Variants in ATG10 observed in about 807,000 individuals in gnomAD.
ATG10 encodes the protein ubiquitin-like-conjugating enzyme ATG10.
ATG10 carries 30 observed loss-of-function variants against 32.1 expected under a neutral mutation model. The observed-to-expected ratio is 0.94, with a 90% CI of 0.70 to 1.27. The LOEUF (loss-of-function observed/expected upper bound fraction) is 1.27. Among genes scored for constraint, ATG10 ranks in the 50% most tolerant of loss-of-function variants. The pLI is 0.00. For synonymous variants in ATG10, 87 were observed against 91.5 expected, an observed-to-expected ratio of 0.95 and a Z score of 0.28; for missense variants, 233 against 262.3, an observed-to-expected ratio of 0.89 and a Z score of 0.77.
intron 3 of ATG10, among the ~76,000 whole-genome samples, chr5:82,101,741 T>G (rs79692208): frequency 0.022 from 3,305 of 152,312 alleles, 49 homozygotes; most frequent in African/African-American, 0.045. Context: ...AAATTGCTTA[T>G]CAGGGAAGTT....
intron 5 of ATG10, among the ~76,000 whole-genome samples, chr5:82,229,383 G>A (rs1213028623): frequency 1.3e-5 from 2 of 152,160 alleles, no homozygotes; most frequent in African/African-American, 4.8e-5. Context: ...CCTAAGGTGT[G>A]TTTACTGCTA....
At position 82,109,776 on chromosome 5, in the gene ATG10, A is replaced by G. The variant is rs576880005; in HGVS notation, c.216+51174A>G. ...CCCCCATTGATCTGCTGATCATACT[A>G]TGCCTGTTATTTTATTTTTTAATAT... On this transcript the variant is annotated intron_variant, in intron 3 of 7. Transcript: ENST00000282185. 6.1e-4 allele frequency among the ~76,000 whole-genome samples: 92 copies of G among 150,274 alleles called. 1 individual carries two copies. The South Asian group carries it at 0.019, about 31-fold the overall frequency.
chr5:82,175,625 T>G (rs1265984283), intron 4 of ATG10, among the ~76,000 whole-genome samples: 1 of 152,172 alleles, frequency 6.6e-6, no homozygotes, highest in Non-Finnish European at 1.5e-5. Context: ...CGAATGTTAG[T>G]GATATGCATG....
intron 4 of ATG10, among the ~76,000 whole-genome samples, chr5:82,178,073 G>A (rs191559951): frequency 6.6e-6 from 1 of 152,254 alleles, no homozygotes; most frequent in East Asian, 1.9e-4. Context: ...ATGAGAATGT[G>A]AAAGATGCAT....
intron 2 of ATG10, among the ~76,000 whole-genome samples, chr5:82,005,102 AC>A (rs565718149): frequency 1.3e-5 from 2 of 152,174 alleles, no homozygotes; most frequent in Non-Finnish European, 2.9e-5. Flanking sequence ...TAAAACAAAA[AC>A]AACCAAATAA....
chr5:82,187,595 T>C (rs1057208245), intron 5 of ATG10, among the ~76,000 whole-genome samples: 1 of 152,036 alleles, frequency 6.6e-6, no homozygotes, highest in African/African-American at 2.4e-5. Flanking sequence ...TTCTTTTTTT[T>C]GAAACTGTGT....
intron 3 of ATG10, among the ~76,000 whole-genome samples, chr5:82,149,252 T>A (rs1226525164): frequency 6.6e-6 from 1 of 151,942 alleles, no homozygotes; most frequent in African/African-American, 2.4e-5. Flanking sequence ...CCGTATTTAC[T>A]TTTATCTAGT....
At chr5:81,984,272 C>G (rs1270401947) in intron 1 of ATG10, among the ~76,000 whole-genome samples, 1 of 152,246 alleles carries the variant, frequency 6.6e-6, no homozygotes, top group African/African-American at 2.4e-5. Context: ...CAAAAAAATA[C>G]GAAAACCAGT....
chr5:82,240,350 A>G (rs549640094), intron 5 of ATG10, among the ~76,000 whole-genome samples: 3 of 152,354 alleles, frequency 2.0e-5, no homozygotes, highest in Non-Finnish European at 4.4e-5. Context: ...AAGAGATAAA[A>G]TCTGTCATTT....
chr5:82,209,664 T>C (rs1001405174), intron 5 of ATG10, among the ~76,000 whole-genome samples: 5 of 152,250 alleles, frequency 3.3e-5, no homozygotes, highest in Admixed American at 2.6e-4. Flanking sequence ...GCATATTATG[T>C]AGTCTTCATA....
chr5:82,056,052 C>T (rs530338957), intron 2 of ATG10, among the ~76,000 whole-genome samples: 8 of 152,246 alleles, frequency 5.3e-5, no homozygotes, highest in East Asian at 1.9e-4. Context: ...AGCCCAATGA[C>T]GTGTTTCTCA....
At chr5:81,989,774 T>A (rs183148657) in intron 2 of ATG10, among the ~76,000 whole-genome samples, 36 of 152,074 alleles carry the variant, frequency 2.4e-4, no homozygotes, top group South Asian at 6.2e-4. Context: ...AATTTTTTTT[T>A]AATATTTTTA....
At chr5:82,140,025 A>G (rs1486464850) in intron 3 of ATG10, among the ~76,000 whole-genome samples, 2 of 117,838 alleles carry the variant, frequency 1.7e-5, no homozygotes, top group Non-Finnish European at 3.6e-5. Flanking sequence ...GGAAGTGAGG[A>G]GCCCCTCTGC....
chr5:82,120,286 A>G (rs773047696), intron 3 of ATG10, among the ~76,000 whole-genome samples: 2 of 152,178 alleles, frequency 1.3e-5, no homozygotes, highest in South Asian at 4.1e-4. Context: ...TTTGTGTAGT[A>G]GAAACTTCCC....
intron 5 of ATG10, among the ~76,000 whole-genome samples, chr5:82,249,542 A>G (rs1026523338): frequency 6.6e-6 from 1 of 152,142 alleles, no homozygotes; most frequent in Non-Finnish European, 1.5e-5. Context: ...GTACTGTTCT[A>G]TGTACTTCTG....
intron 4 of ATG10, among the ~76,000 whole-genome samples, chr5:82,169,200 A>T (rs1743707437): frequency 6.6e-6 from 1 of 152,222 alleles, no homozygotes; most frequent in Admixed American, 6.5e-5. Context: ...GGGTTGGAAG[A>T]TATAAAGAAA....
chr5:82,228,132 G>C lies in ATG10; in HGVS notation c.454-24430G>C, dbSNP rs568677258. Among the ~76,000 whole-genome samples, 19 of 151,820 alleles carry C rather than the reference G, an allele frequency of 1.3e-4. 1 individual carries two copies. In the South Asian group the frequency reaches 4.0e-3, roughly 32 times the overall value. On this transcript the variant is annotated intron_variant, in intron 5 of 7. Transcript: ENST00000282185. ...TGAGGTGGGAGGATCGCTTGAGCCT[G>C]AGAGGTCAGGGCTGCAGTAAGGAGC...
chr5:82,010,376 T>C (rs1323130859), intron 2 of ATG10, among the ~76,000 whole-genome samples: 3 of 152,236 alleles, frequency 2.0e-5, no homozygotes, highest in African/African-American at 7.2e-5. Context: ...TTTTGATGGC[T>C]GTCCTTTTAA....
rs550632151 is a variant in ATG10 at position 82,241,106 on chromosome 5, C to T, written c.454-11456C>T. On this transcript the variant is annotated intron_variant, in intron 5 of 7. Transcript: ENST00000282185. Reference sequence around the variant, plus strand: ...TTGATAAGAAAATCTCCATAAAACCCGAATAGACAAATAGTCAAGAAAATG... The same window carrying T: ...TTGATAAGAAAATCTCCATAAAACCTGAATAGACAAATAGTCAAGAAAATG... 2.4e-4 allele frequency among the ~76,000 whole-genome samples: 36 copies of T among 152,216 alleles called. 1 individual carries two copies. In the South Asian group the frequency reaches 7.0e-3, roughly 30 times the overall value.
Sources: allele counts gnomAD v4.1 joint callset (sites outside exome capture counted in the v4.1 genomes callset), GRCh38; gene constraint gnomAD v4.1.1; transcripts MANE v1.5; gene names NCBI Gene and HGNC (gene_info 2026-07-23, HGNC 2026-07-21).